Variants in MATR3 observed in about 807,000 individuals in gnomAD.
The protein encoded by MATR3 is matrin-3.
A neutral mutation model predicts 85.5 loss-of-function variants in MATR3; 4 were observed. The ratio of observed to expected loss-of-function variants is 0.05; its 90% CI spans 0.02 to 0.11. The LOEUF (loss-of-function observed/expected upper bound fraction) is 0.11. Among genes scored for constraint, MATR3 ranks in the 10% least tolerant of loss-of-function variants. The probability of loss-of-function intolerance (pLI) is 1.00; values close to 1 mark genes in which losing one functional copy is unlikely to be tolerated. For missense variants in MATR3, 685 were observed against 1,016.1 expected (o/e 0.67, Z 4.43); for synonymous variants, 336 against 343.1 (o/e 0.98, Z 0.23).
chr5:139,294,908 G>A (rs1406261693), intron 1 of MATR3: 1 of 152,124 alleles, frequency 6.6e-6, no homozygotes, highest in African/African-American at 2.4e-5. Context: ...CAGTTTTTTA[G>A]CCAGATATTT....
chr5:139,329,539 T>C lies in MATR3; in HGVS notation c.*144T>C, dbSNP rs537721445. 1 of 714,430 alleles carries C rather than the reference T, an allele frequency of 1.4e-6. No homozygotes were observed. The highest frequency in any genetic ancestry group is 2.4e-6 in the Non-Finnish European group (1 of 411,168). 44.3% of individuals were successfully genotyped at this position (714,430 alleles called of 1,614,324 possible). A position where few individuals can be genotyped will look rare whatever the true frequency, so the allele number is the denominator to read the frequency against. On this transcript the variant is annotated 3_prime_UTR_variant, in exon 15 of 15. Transcript: ENST00000394805. ...TGGAGAAATAATAGATGTCTGTTCATGTGTTAAGTGTTATAGCAAAAAAAA... is the reference window on the plus strand; with the variant it reads ...TGGAGAAATAATAGATGTCTGTTCACGTGTTAAGTGTTATAGCAAAAAAAA...
chr5:139,316,016 T>G, intron 4 of MATR3, 60 bp from the exon 5 acceptor site: 1 of 1,283,746 alleles, frequency 7.8e-7, no homozygotes, highest in Non-Finnish European at 1.1e-6. Flanking sequence ...ACATTTAATC[T>G]TAATTCTTTC....
At position 139,322,352 on chromosome 5, in the gene MATR3, C is replaced by T. The variant is rs546527249; in HGVS notation, c.1735-111C>T. On this transcript the variant is annotated intron_variant, in intron 10 of 14. Coordinates refer to ENST00000394805, the MANE Select transcript of MATR3 (RefSeq NM_018834.6). The stretch of plus-strand genomic sequence containing the variant: ...CAGCTTAGGTTCTCAAATAAGGTTA[C>T]GGGAATTGAATAAGCTGAGTTGATT... 99 of 1,016,442 alleles carry T rather than the reference C, an allele frequency of 9.7e-5. No homozygotes were observed. In the African/African-American group the frequency reaches 1.2e-3, roughly 13 times the overall value. 63.0% of individuals were successfully genotyped at this position (1,016,442 alleles called of 1,614,324 possible).
intron 2 of MATR3, chr5:139,313,358 T>C (rs1755091523): frequency 6.7e-6 from 1 of 149,832 alleles, no homozygotes; most frequent in Admixed American, 6.7e-5. Flanking sequence ...GCACATTCCA[T>C]GTGCCTGGCA....
In MATR3 at chr5:139,326,201, A is replaced by G; in HGVS notation, c.2410A>G (p.Lys804Glu). Residue 804 changes from lysine (K) to glutamate (E), a missense_variant, in exon 14 of 15, where the codon AAG becomes GAG. Lys to Glu is a moderately conservative substitution (Grantham distance 56). Around this residue, in one of 9 missense-constraint regions of MATR3, gnomAD observed 45 missense variants for 82.5 expected, o/e 0.55. Transcript: ENST00000394805. The stretch of plus-strand genomic sequence containing the variant: ...GATACCTAAAACAGGGTTTTACTGT[A>G]AGCTGTGTTCACTCTTTTATACAAA... ...YVIPKTGFYC[K>E]LCSLFYTNEE... is the part of the protein sequence containing the mutation. 6.2e-7 allele frequency: 1 copy of G among 1,611,062 alleles called. No homozygotes were observed. The highest frequency in any genetic ancestry group is 8.5e-7 in the Non-Finnish European group (1 of 1,177,796).
intron 1 of MATR3, among the ~76,000 whole-genome samples, chr5:139,305,907 T>TTG (rs775197562): frequency 5.9e-5 from 9 of 152,210 alleles, no homozygotes; most frequent in Non-Finnish European, 1.0e-4. Flanking sequence ...TATTTGTCCA[T>TTG]TGTATCCTTG....
Position 139,307,100 on chromosome 5 carries a change from G to C in MATR3, c.-177-139G>C. 4 of 425,216 alleles carry C rather than the reference G, an allele frequency of 9.4e-6. No homozygotes were observed. Among genetic ancestry groups the C allele is most frequent in the Non-Finnish European group, 1.3e-5 (4 of 297,162 alleles). The allele number at this position is 425,216 out of a possible 1,614,324, so 26.3% of individuals were successfully genotyped here. On this transcript the variant is annotated intron_variant, in intron 1 of 14. Transcript: ENST00000394805. This position sits in a 1 kb window ranked among gnomAD's most constrained non-coding sequence, Gnocchi z 4.4. Reference sequence around the variant, plus strand: ...CTGCATACATCAGGAATCTGTTTAAGATATGTAATAAATTCCTTGTAAGTT... The same window carrying C: ...CTGCATACATCAGGAATCTGTTTAACATATGTAATAAATTCCTTGTAAGTT...
intron 6 of MATR3, 99 bp from the exon 7 acceptor site, chr5:139,317,497 T>A (rs761277465): frequency 1.3e-5 from 16 of 1,186,822 alleles, no homozygotes; most frequent in Admixed American, 1.8e-5. Context: ...ACTTACACTC[T>A]CCTGGTTAAT....
At chr5:139,322,559 A>G (rs1403194053) in intron 11 of MATR3, 39 bp from the exon 12 acceptor site, 2 of 1,584,126 alleles carry the variant, frequency 1.3e-6, no homozygotes, top group South Asian at 2.2e-5. Flanking sequence ...TTACTTTTTC[A>G]GACAACAAAT....
Position 139,331,031 on chromosome 5 carries a change from TCTG to T in MATR3, c.*1639_*1641del, listed in dbSNP as rs1756120673. 1 of 454,098 alleles carries T rather than the reference TCTG, an allele frequency of 2.2e-6. No homozygotes were observed. The highest frequency in any genetic ancestry group is 4.4e-6 in the Non-Finnish European group (1 of 226,784). 28.1% of individuals were successfully genotyped at this position (454,098 alleles called of 1,614,324 possible). ...ATCTTGAATTCCTGGGCCCAAGTGA[TCTG>T]CTCGCTTCAGCCTCCCAAAGTGCTG... On this transcript the variant is annotated 3_prime_UTR_variant, in exon 15 of 15. Transcript: ENST00000394805.
chr5:139,289,554 C>A (rs192930158), upstream of MATR3, among the ~76,000 whole-genome samples: 1 of 152,334 alleles, frequency 6.6e-6, no homozygotes, highest in East Asian at 1.9e-4. Flanking sequence ...CTATAATGTC[C>A]ATGTCTTCCT....
intron 1 of MATR3, among the ~76,000 whole-genome samples, chr5:139,304,500 G>GAAAA (rs781328136): frequency 2.5e-5 from 3 of 117,818 alleles, no homozygotes; most frequent in Non-Finnish European, 5.5e-5. Flanking sequence ...AACTCCATCT[G>GAAAA]AAAAAAAAAA....
Position 139,315,685 on chromosome 5 carries a change from G to T in MATR3, c.975-12G>T. The T allele has an allele frequency of 1.2e-6, 2 of 1,600,028 alleles. No individual in the cohort carries two copies. Among genetic ancestry groups the T allele is most frequent in the Non-Finnish European group, 1.7e-6 (2 of 1,167,528 alleles). On this transcript the variant is annotated splice_polypyrimidine_tract_variant and intron_variant, in intron 3 of 14. Coordinates refer to ENST00000394805, the MANE Select transcript of MATR3 (RefSeq NM_018834.6). ...GTTTTATTTTAAAGTTAATTTTCTG[G>T]TCTTTTTAAAGCTACCCAGAATGGA...
At chr5:139,300,129 C>A (rs1362071349) in intron 1 of MATR3, among the ~76,000 whole-genome samples, 1 of 152,138 alleles carries the variant, frequency 6.6e-6, no homozygotes. Context: ...CTTTGGGAGG[C>A]CAAGGTGGGT....
chr5:139,288,848 CAGAA>C (rs1190630280), upstream of MATR3, among the ~76,000 whole-genome samples: 1 of 152,018 alleles, frequency 6.6e-6, no homozygotes, highest in Middle Eastern at 3.2e-3. Context: ...TTCACCATGT[CAGAA>C]AGGATGGTCT....
intron 3 of MATR3, among the ~76,000 whole-genome samples, chr5:139,281,865 C>G (rs1753544480): frequency 6.6e-6 from 1 of 152,082 alleles, no homozygotes; most frequent in Admixed American, 6.6e-5. Flanking sequence ...TCCAAACACC[C>G]CCACCAACCT....
In MATR3 at chr5:139,300,219, G is replaced by A. The variant is rs1186678755; in HGVS notation, c.-178+6414G>A. ...CTCTACTAAAAAATACAGAAAATTT[G>A]CCAGGTGTGGTGGTGTGCACCTGTA... On this transcript the variant is annotated intron_variant, in intron 1 of 14. Transcript: ENST00000394805. Among the ~76,000 whole-genome samples the A allele has an allele frequency of 6.6e-5, 10 of 152,212 alleles. No homozygotes were observed. In the East Asian group the frequency reaches 1.9e-3, roughly 29 times the overall value.
chr5:139,314,622 T>A (rs971011365), intron 2 of MATR3, 53 bp from the exon 3 acceptor site: 1 of 1,457,326 alleles, frequency 6.9e-7, no homozygotes, highest in Admixed American at 1.7e-5. Context: ...ATGGTTCAGA[T>A]GAAAATATTT....
In MATR3 at chr5:139,283,203, T is replaced by A. The variant is rs79351473; in HGVS notation, c.-178+4074T>A. The A allele has an allele frequency of 2.6e-5, 4 of 152,360 alleles. No individual in the cohort carries two copies. In the East Asian group the frequency reaches 5.8e-4, roughly 22 times the overall value. The allele number at this position is 152,360 out of a possible 1,614,324, so 9.4% of individuals were successfully genotyped here. On this transcript the variant is annotated intron_variant, in intron 3 of 16. Transcript: ENST00000509990. ...AGAAGCCAAGCCCAGAACTAAGGGT[T>A]CTGATGAGTTGAAGGAGAGGGAAGA...
Sources: gnomAD v4.1 joint callset for allele counts (sites outside exome capture counted in the v4.1 genomes callset) on GRCh38, gnomAD v4.1.1 for gene constraint, gnomAD v4.1.1 regional missense constraint, Gnocchi (gnomAD v3.1) non-coding constraint, MANE v1.5 for transcripts, NCBI Gene and HGNC (gene_info 2026-07-23, HGNC 2026-07-21) for gene names.